The following CDH22 variants were observed in gnomAD, a reference collection of about 807,000 sequenced individuals.
The protein encoded by CDH22 is cadherin 22, also known as cadherin-22.
In CDH22, 30 loss-of-function variants were observed where a neutral mutation model predicts 58.4. The ratio of observed to expected loss-of-function variants is 0.51; its 90% CI spans 0.38 to 0.70. CDH22 has a LOEUF of 0.70. Ranked by LOEUF, CDH22 falls within the 30% of genes least tolerant of loss-of-function variation. CDH22 has a pLI of 0.00. For synonymous variants in CDH22, 513 were observed against 558.2 expected, an observed-to-expected ratio of 0.92 and a Z score of 1.14; for missense variants, 1,014 against 1,233.9, an observed-to-expected ratio of 0.82 and a Z score of 2.67.
chr20:46,225,430 A>G (rs1422310005), intron 4 of CDH22, among the ~76,000 whole-genome samples: 1 of 152,214 alleles, frequency 6.6e-6, no homozygotes, highest in Non-Finnish European at 1.5e-5. Context: ...TTCAAAATGT[A>G]TTGTTAAGTG....
intron 1 of CDH22, among the ~76,000 whole-genome samples, chr20:46,285,582 G>A (rs559595830): frequency 1.3e-5 from 2 of 152,302 alleles, no homozygotes; most frequent in South Asian, 4.1e-4. Flanking sequence ...GATATCAGTA[G>A]TGCTGATGTT....
intron 1 of CDH22, among the ~76,000 whole-genome samples, chr20:46,252,878 G>T (rs959276678): frequency 6.6e-6 from 1 of 152,240 alleles, no homozygotes; most frequent in Non-Finnish European, 1.5e-5. Flanking sequence ...CTGAGCTCGG[G>T]TGTTTGGAAA....
At chr20:46,219,445 C>T (rs2086108725) in intron 4 of CDH22, among the ~76,000 whole-genome samples, 1 of 152,218 alleles carries the variant, frequency 6.6e-6, no homozygotes, top group African/African-American at 2.4e-5. Context: ...ATTTCTCAAA[C>T]TTGGCACTGT....
intron 3 of CDH22, among the ~76,000 whole-genome samples, chr20:46,239,380 A>C (rs931590656): frequency 2.2e-4 from 33 of 152,216 alleles, no homozygotes; most frequent in African/African-American, 7.0e-4. Context: ...GCATGCATGC[A>C]TTCCTGTGTG....
In CDH22 at chr20:46,251,006, T is replaced by C. The variant is rs2086367935; in HGVS notation, c.255+34A>G. Reference sequence around the variant, plus strand: ...CTACCCGTGGGTGTCCCCAGGGTCCTGGGATCTGGAGTTGGAGTGGGGCCC... The same window carrying C: ...CTACCCGTGGGTGTCCCCAGGGTCCCGGGATCTGGAGTTGGAGTGGGGCCC... On this transcript the variant is annotated intron_variant, in intron 2 of 11. Coordinates refer to ENST00000537909, the MANE Select transcript of CDH22 (RefSeq NM_021248.3). This position sits in a 1 kb window ranked among gnomAD's most constrained non-coding sequence, Gnocchi z 6.7. 7.2e-7 allele frequency: 1 copy of C among 1,383,140 alleles called. No homozygotes were observed. Among genetic ancestry groups the C allele is most frequent in the Admixed American group, 1.7e-5 (1 of 59,006 alleles). The allele number at this position is 1,383,140 out of a possible 1,614,324, so 85.7% of individuals were successfully genotyped here. A position where few individuals can be genotyped will look rare whatever the true frequency, so the allele number is the denominator to read the frequency against.
intron 1 of CDH22, among the ~76,000 whole-genome samples, chr20:46,282,970 A>T (rs1378669150): frequency 6.6e-6 from 1 of 152,200 alleles, no homozygotes; most frequent in Non-Finnish European, 1.5e-5. Flanking sequence ...GGGAGCCTGG[A>T]GTCCAGAGAC....
intron 1 of CDH22, among the ~76,000 whole-genome samples, chr20:46,290,523 C>A (rs1766299481): frequency 6.6e-6 from 1 of 152,196 alleles, no homozygotes; most frequent in Non-Finnish European, 1.5e-5. Flanking sequence ...TTAGCCAAGG[C>A]TAATCCAAGT....
At chr20:46,199,387 T>G (rs767767676) in intron 8 of CDH22, 36 bp downstream of exon 8, 28 of 1,595,432 alleles carry the variant, frequency 1.8e-5, no homozygotes, top group Non-Finnish European at 2.0e-5. Context: ...CTGGGCCCCA[T>G]ATTTGCCCTT....
At chr20:46,302,527 C>T (rs556499396) in intron 1 of CDH22, among the ~76,000 whole-genome samples, 19 of 152,320 alleles carry the variant, frequency 1.2e-4, no homozygotes, top group African/African-American at 4.3e-4. Context: ...AAAATATAGA[C>T]AGGAGTCACG....
At chr20:46,253,847 T>C (rs568275547) in intron 1 of CDH22, among the ~76,000 whole-genome samples, 5 of 152,312 alleles carry the variant, frequency 3.3e-5, no homozygotes, top group Admixed American at 6.5e-5. Context: ...GGGAGGCTGC[T>C]GTCACTTCTG....
At chr20:46,238,036 T>C (rs2086266184) in intron 3 of CDH22, among the ~76,000 whole-genome samples, 1 of 152,178 alleles carries the variant, frequency 6.6e-6, no homozygotes, top group Admixed American at 6.5e-5. Flanking sequence ...GAGGCTGCTC[T>C]TCCCCTGGCA....
chr20:46,195,937 C>T (rs2085897930), intron 8 of CDH22, among the ~76,000 whole-genome samples: 1 of 152,214 alleles, frequency 6.6e-6, no homozygotes, highest in South Asian at 2.1e-4. Context: ...TATTTCCCCT[C>T]TGATTCTTGT....
chr20:46,198,289 C>CACAT (rs1293157740), intron 8 of CDH22, among the ~76,000 whole-genome samples: 1 of 97,038 alleles, frequency 1.0e-5, no homozygotes, highest in Non-Finnish European at 2.0e-5. Flanking sequence ...ACCAAAAAGA[C>CACAT]ACACACACAC....
intron 4 of CDH22, among the ~76,000 whole-genome samples, chr20:46,217,265 C>T (rs2086092964): frequency 6.6e-6 from 1 of 152,100 alleles, no homozygotes; most frequent in Admixed American, 6.5e-5. Flanking sequence ...CAGATAGACT[C>T]ACATACTTGC....
intron 10 of CDH22, among the ~76,000 whole-genome samples, chr20:46,181,051 C>T (rs377143284): frequency 3.6e-4 from 55 of 151,912 alleles, no homozygotes; most frequent in African/African-American, 1.2e-3. Flanking sequence ...GGTGGCATTA[C>T]AGGCATAAGC....
chr20:46,287,855 G>C (rs900405028), intron 1 of CDH22, among the ~76,000 whole-genome samples: 1 of 152,048 alleles, frequency 6.6e-6, no homozygotes, highest in Non-Finnish European at 1.5e-5. Context: ...AATGAAACAC[G>C]GACATGGGAG....
chr20:46,202,717 A>G (rs1459917330), intron 7 of CDH22, among the ~76,000 whole-genome samples: 1 of 152,176 alleles, frequency 6.6e-6, no homozygotes, highest in East Asian at 1.9e-4. Flanking sequence ...TCCTCGATGC[A>G]TGAAGCTTCA....
In CDH22 at chr20:46,174,863, C is replaced by T; in HGVS notation, c.2130G>A (p.Ala710=). 7.5e-7 allele frequency: 1 copy of T among 1,328,974 alleles called. No homozygotes were observed. The highest frequency in any genetic ancestry group is 9.6e-7 in the Non-Finnish European group (1 of 1,039,218). 82.3% of individuals were successfully genotyped at this position (1,328,974 alleles called of 1,614,324 possible). Residue 710 remains alanine (A), a synonymous_variant, in exon 12 of 12, where the codon GCG becomes GCA. Coordinates refer to ENST00000537909, the MANE Select transcript of CDH22 (RefSeq NM_021248.3). This position sits in a 1 kb window ranked among gnomAD's most constrained non-coding sequence, Gnocchi z 4.4. ...CCGCGCCCCCGCCCGAGCCCCCGCC[C>T]GCTCCCCCGCCCGCGCTGCCGCCCC... The part of the protein sequence containing the change: ...GDGGGSAGGG[A]GGGSGGGAGS...
At chr20:46,280,039 C>T (rs1025746254) in intron 1 of CDH22, among the ~76,000 whole-genome samples, 7 of 152,272 alleles carry the variant, frequency 4.6e-5, no homozygotes, top group African/African-American at 1.4e-4. Flanking sequence ...AGGTCACATA[C>T]GTGTCATGGG....
Sources: gnomAD v4.1 joint callset for allele counts (sites outside exome capture counted in the v4.1 genomes callset) on GRCh38, gnomAD v4.1.1 for gene constraint, Gnocchi (gnomAD v3.1) non-coding constraint, MANE v1.5 for transcripts, NCBI Gene and HGNC (gene_info 2026-07-23, HGNC 2026-07-21) for gene names.